TENM1: variants seen among roughly 807,000 people sequenced by gnomAD.
The protein encoded by TENM1 is teneurin-1.
In TENM1, 35 loss-of-function variants were observed where a neutral mutation model predicts 174.8. The observed-to-expected ratio is 0.20, with a 90% confidence interval of 0.15 to 0.27. The LOEUF is 0.27. TENM1 is among the 10% of genes least tolerant of loss of function. The probability of loss-of-function intolerance (pLI) is 1.00; values close to 1 mark genes in which losing one functional copy is unlikely to be tolerated. For missense variants in TENM1, 1,633 were observed against 2,130.1 expected, an observed-to-expected ratio of 0.77 and a Z score of 4.59; for synonymous variants, 781 against 798.7, an observed-to-expected ratio of 0.98 and a Z score of 0.37.
chrX:124,584,760 G>GTA (rs1307264363), intron 11 of TENM1, among the ~76,000 whole-genome samples: 1 of 111,434 alleles, frequency 9.0e-6, no homozygotes, highest in Non-Finnish European at 1.9e-5. Context: ...AAAGAGTCAA[G>GTA]ATCCATCGGT....
At chrX:124,403,551 T>C (rs1311835917) in intron 27 of TENM1, among the ~76,000 whole-genome samples, 1 of 106,741 alleles carries the variant, frequency 9.4e-6, no homozygotes, top group Admixed American at 1.0e-4. Flanking sequence ...AAAAGAAAAG[T>C]GAGCACTGCT....
At chrX:124,479,439 T>G (rs1478392558) in intron 22 of TENM1, among the ~76,000 whole-genome samples, 2 of 111,733 alleles carry the variant, frequency 1.8e-5, no homozygotes, top group Non-Finnish European at 3.8e-5. Flanking sequence ...GATGAGTAAA[T>G]CAAGACAAAG....
the TENM1 span, among the ~76,000 whole-genome samples, chrX:124,975,182 A>T: frequency 5.7e-4 from 63 of 109,844 alleles, no homozygotes; most frequent in Non-Finnish European, 8.5e-4. Flanking sequence ...TCTTTTTCTT[A>T]TTACTTCTCA....
At chrX:124,803,489 TC>T (rs1344804841) in intron 3 of TENM1, among the ~76,000 whole-genome samples, 2 of 112,348 alleles carry the variant, frequency 1.8e-5, no homozygotes, top group Non-Finnish European at 3.8e-5. Context: ...TGCTGCATAT[TC>T]ATAGAGAGCT....
the TENM1 span, among the ~76,000 whole-genome samples, chrX:125,115,890 A>C: frequency 9.0e-6 from 1 of 111,344 alleles, no homozygotes; most frequent in Non-Finnish European, 1.9e-5. Context: ...AAAAAAAAAA[A>C]CTACTTTATA....
chrX:124,382,554 G>C (rs1029758719), intron 31 of TENM1, 116 bp downstream of exon 34: 3 of 685,645 alleles, frequency 4.4e-6, no homozygotes, highest in Non-Finnish European at 6.4e-6. Flanking sequence ...GCACGTTTTA[G>C]TGAATATTCA....
intron 3 of TENM1, among the ~76,000 whole-genome samples, chrX:124,827,206 A>G (rs928332391): frequency 9.0e-6 from 1 of 110,864 alleles, no homozygotes; most frequent in African/African-American, 3.3e-5. Context: ...GTGCACCACT[A>G]CACCTGGCTA....
At chrX:125,011,381 C>G in the TENM1 span, among the ~76,000 whole-genome samples, 3 of 111,792 alleles carry the variant, frequency 2.7e-5, no homozygotes, top group African/African-American at 9.8e-5. Context: ...AAACTATCAT[C>G]AGAGTGAACA....
chrX:124,938,433 T>C (rs1010646278), intron 1 of TENM1, among the ~76,000 whole-genome samples: 9 of 111,990 alleles, frequency 8.0e-5, no homozygotes, highest in African/African-American at 2.9e-4. Flanking sequence ...CACATAAACA[T>C]TGCCTAAAAA....
intron 11 of TENM1, among the ~76,000 whole-genome samples, chrX:124,626,753 G>A (rs1158751837): frequency 9.0e-6 from 1 of 111,703 alleles, no homozygotes; most frequent in African/African-American, 3.3e-5. Flanking sequence ...AAGGGACTGT[G>A]TGAGTTGCTT....
intron 21 of TENM1, among the ~76,000 whole-genome samples, chrX:124,485,682 C>T (rs1039841628): frequency 4.5e-5 from 5 of 111,652 alleles, no homozygotes; most frequent in Admixed American, 2.9e-4. Flanking sequence ...TGAATACCCC[C>T]AGTGTGCCTG....
At chrX:125,103,966 C>G in the TENM1 span, among the ~76,000 whole-genome samples, 1 of 111,377 alleles carries the variant, frequency 9.0e-6, no homozygotes, top group Non-Finnish European at 1.9e-5. Context: ...CCACTTCAGC[C>G]TGGGCGACAG....
intron 3 of TENM1, among the ~76,000 whole-genome samples, chrX:124,795,688 T>C (rs2055289462): frequency 9.0e-6 from 1 of 110,877 alleles, no homozygotes; most frequent in South Asian, 3.7e-4. Flanking sequence ...GAAATGTCAC[T>C]TTAACCTAAG....
intron 1 of TENM1, among the ~76,000 whole-genome samples, chrX:124,932,217 G>T (rs1175019624): frequency 8.9e-6 from 1 of 111,935 alleles, no homozygotes; most frequent in Non-Finnish European, 1.9e-5. Flanking sequence ...AATATCAGTG[G>T]CAATATTTTG....
In TENM1 at chrX:124,853,432, G is replaced by A. The variant is rs147769753; in HGVS notation, c.535+40864C>T. Among the ~76,000 whole-genome samples the A allele has an allele frequency of 1.9e-3, 212 of 111,204 alleles. 1 individual carries two copies. The highest frequency in any genetic ancestry group is 6.6e-3 in the African/African-American group (201 of 30,682). ...AGGCATTGAAAGTGTAAGCTCCAGAGGAGGTGGGGAGTGTATGGGATCAAA... is the reference window on the plus strand; with the variant it reads ...AGGCATTGAAAGTGTAAGCTCCAGAAGAGGTGGGGAGTGTATGGGATCAAA... On this transcript the variant is annotated intron_variant, in intron 3 of 31. Coordinates refer to ENST00000422452, the Ensembl canonical transcript of TENM1.
intron 22 of TENM1, among the ~76,000 whole-genome samples, chrX:124,460,540 G>T (rs367771756): frequency 1.8e-5 from 2 of 110,377 alleles, no homozygotes; most frequent in East Asian, 2.8e-4. Flanking sequence ...GGAACACATA[G>T]ACACATAGAG....
intron 14 of TENM1, among the ~76,000 whole-genome samples, chrX:124,549,752 C>T (rs892058707): frequency 9.0e-6 from 1 of 110,974 alleles, no homozygotes; most frequent in South Asian, 3.8e-4. Context: ...CATGCAAACC[C>T]CGTATTATAA....
intron 11 of TENM1, among the ~76,000 whole-genome samples, chrX:124,612,932 A>G (rs188292402): frequency 1.3e-4 from 15 of 111,779 alleles, no homozygotes; most frequent in African/African-American, 4.5e-4. Flanking sequence ...CTGATCATCC[A>G]GCAGATTAGT....
intron 25 of TENM1, among the ~76,000 whole-genome samples, chrX:124,406,781 G>A (rs750910587): frequency 2.7e-5 from 3 of 111,352 alleles, no homozygotes; most frequent in African/African-American, 9.8e-5. Flanking sequence ...GTCCTGCTGT[G>A]TGCAACGTTG....
Sources: gnomAD v4.1 joint callset for allele counts (sites outside exome capture counted in the v4.1 genomes callset) on GRCh38, gnomAD v4.1.1 for gene constraint, MANE v1.5 for transcripts, NCBI Gene and HGNC (gene_info 2026-07-23, HGNC 2026-07-21) for gene names.